The following CAPN13 variants were observed in gnomAD, a reference collection of about 807,000 sequenced individuals.
The protein encoded by CAPN13 is calpain 13.
A neutral mutation model predicts 98.4 loss-of-function variants in CAPN13; 90 were observed. That is an observed-to-expected ratio of 0.92 (90% CI 0.77 to 1.09). CAPN13 has a LOEUF of 1.09. Among genes scored for constraint, CAPN13 ranks in the 50% least tolerant of loss-of-function variants. CAPN13 has a pLI of 0.00. For synonymous variants in CAPN13, 330 were observed against 305.5 expected (o/e 1.08, Z -0.84); for missense variants, 887 against 841.3 (o/e 1.05, Z -0.67).
At chr2:30,739,396 C>T (rs1671542181) in intron 15 of CAPN13, among the ~76,000 whole-genome samples, 1 of 152,074 alleles carries the variant, frequency 6.6e-6, no homozygotes, top group East Asian at 1.9e-4. Context: ...CAGGATTGGC[C>T]TTACCACCTT....
chr2:30,727,408 T>A (rs1032678313), intron 22 of CAPN13, among the ~76,000 whole-genome samples: 11 of 152,004 alleles, frequency 7.2e-5, no homozygotes, highest in Admixed American at 2.0e-4. Context: ...ATTTTGCAAA[T>A]CACATATATA....
intron 15 of CAPN13, 121 bp from the exon 16 acceptor site, chr2:30,738,578 T>C: frequency 1.9e-6 from 2 of 1,054,472 alleles, no homozygotes; most frequent in South Asian, 2.8e-5. Flanking sequence ...TGTACCCATC[T>C]TGCCCTCGTC....
chr2:30,754,408 A>G (rs762015915), intron 8 of CAPN13, 44 bp from the exon 9 acceptor site: 1 of 1,539,322 alleles, frequency 6.5e-7, no homozygotes. Flanking sequence ...TTTCCAGTGC[A>G]TTTTTTCTCA....
rs774134400 is a variant in CAPN13, at chr2:30,764,273, G to GC, written c.557dup (p.Phe187LeufsTer71). On this transcript the variant is annotated frameshift_variant, in exon 6 of 23. Coordinates refer to ENST00000295055, the MANE Select transcript of CAPN13 (RefSeq NM_144575.3). LOFTEE classifies it high-confidence loss of function. ...GGTCCACCAGGGCATCCTCGAGGAA[G>GC]CCATAGTGCAGATCGGAATAGGATC... The GC allele has an allele frequency of 9.4e-5, 151 of 1,613,756 alleles. No individual in the cohort carries two copies. Among genetic ancestry groups the GC allele is most frequent in the Non-Finnish European group, 1.2e-4 (139 of 1,179,872 alleles).
intron 4 of CAPN13, among the ~76,000 whole-genome samples, chr2:30,775,180 T>C (rs1673619738): frequency 6.6e-6 from 1 of 152,194 alleles, no homozygotes. Flanking sequence ...CAGTTTAATA[T>C]ATGGTAAGTA....
At chr2:30,773,828 T>A (rs1485913564) in intron 4 of CAPN13, among the ~76,000 whole-genome samples, 1 of 152,184 alleles carries the variant, frequency 6.6e-6, no homozygotes, top group Non-Finnish European at 1.5e-5. Context: ...TAATGACAGA[T>A]AACACAATTG....
At chr2:30,758,691 G>A (rs975498243) in intron 7 of CAPN13, among the ~76,000 whole-genome samples, 6 of 152,098 alleles carry the variant, frequency 3.9e-5, no homozygotes, top group African/African-American at 1.4e-4. Context: ...CCTGCATCCC[G>A]GAGCTGATGA....
intron 1 of CAPN13, among the ~76,000 whole-genome samples, chr2:30,800,140 G>GAAAAGAAAGAAAAGAAAGA (rs761859358): frequency 1.7e-4 from 24 of 145,264 alleles, no homozygotes; most frequent in African/African-American, 6.1e-4. Context: ...AAGAAAGAAA[G>GAAAAGAAAGAAAAGAAAGA]AAAGAAAGAA....
At chr2:30,802,227 G>A (rs1396113353) in intron 1 of CAPN13, among the ~76,000 whole-genome samples, 1 of 151,994 alleles carries the variant, frequency 6.6e-6, no homozygotes, top group African/African-American at 2.4e-5. Context: ...TTGACTAAGG[G>A]AGCCATTCCC....
At chr2:30,738,350 T>A (rs554480520) in intron 16 of CAPN13, 50 bp downstream of exon 16, 45 of 1,612,282 alleles carry the variant, frequency 2.8e-5, no homozygotes, top group Non-Finnish European at 3.8e-5. Flanking sequence ...TGGGGTGGGG[T>A]TGCCAGCAGG....
chr2:30,776,068 A>C lies in CAPN13; in HGVS notation c.272-23T>G, dbSNP rs543993939. 25 of 1,546,896 alleles carry C rather than the reference A, an allele frequency of 1.6e-5. No homozygotes were observed. In the South Asian group the frequency reaches 2.7e-4, roughly 17 times the overall value. Reference sequence around the variant, plus strand: ...CAGCTGTGAGGGGAGATAAGCCAGGAAAGGCTGATTGGACACACTTGGAAA... The same window carrying C: ...CAGCTGTGAGGGGAGATAAGCCAGGCAAGGCTGATTGGACACACTTGGAAA... On this transcript the variant is annotated intron_variant, in intron 3 of 22. Transcript: ENST00000295055.
chr2:30,789,166 A>G (rs1177983529), intron 1 of CAPN13, among the ~76,000 whole-genome samples: 2 of 152,238 alleles, frequency 1.3e-5, no homozygotes, highest in Non-Finnish European at 2.9e-5. Context: ...TGAAATGTCA[A>G]GATATCATTC....
intron 2 of CAPN13, among the ~76,000 whole-genome samples, chr2:30,784,758 G>C (rs1674175307): frequency 6.6e-6 from 1 of 152,106 alleles, no homozygotes. Flanking sequence ...ATATGACTTT[G>C]GGCAGAGGTC....
chr2:30,738,568 T>C (rs141316385), intron 15 of CAPN13, 111 bp from the exon 16 acceptor site: 35 of 1,143,642 alleles, frequency 3.1e-5, no homozygotes, highest in Non-Finnish European at 5.1e-6. Context: ...GTCCCCACAA[T>C]GTACCCATCT....
intron 11 of CAPN13, among the ~76,000 whole-genome samples, chr2:30,748,199 C>T (rs1016430502): frequency 2.6e-5 from 4 of 152,186 alleles, no homozygotes; most frequent in African/African-American, 9.6e-5. Flanking sequence ...TCAGTCCTGG[C>T]TGGGCAGACC....
At chr2:30,748,081 C>T (rs760318423) in intron 11 of CAPN13, among the ~76,000 whole-genome samples, 76 of 152,200 alleles carry the variant, frequency 5.0e-4, no homozygotes, top group Non-Finnish European at 6.9e-4. Context: ...TCAGAAGTTG[C>T]GTGTGTGCCG....
chr2:30,758,859 TCCATCCTTCAGTCCC>T (rs1672631909), intron 7 of CAPN13, among the ~76,000 whole-genome samples: 1 of 129,486 alleles, frequency 7.7e-6, no homozygotes, highest in Non-Finnish European at 1.6e-5. Flanking sequence ...TCTCCCTCCC[TCCATCCTTCAGTCCC>T]TTCCTACCCT....
intron 5 of CAPN13, among the ~76,000 whole-genome samples, chr2:30,765,926 C>T (rs1057112817): frequency 1.1e-4 from 17 of 152,182 alleles, no homozygotes; most frequent in Admixed American, 4.6e-4. Context: ...GACCCAGGGT[C>T]TAGATTTTTC....
chr2:30,783,327 G>A (rs570955966), intron 2 of CAPN13, among the ~76,000 whole-genome samples: 3 of 152,228 alleles, frequency 2.0e-5, no homozygotes, highest in East Asian at 1.9e-4. Context: ...ATGAGGAGTC[G>A]GGTCCTCTCA....
Sources: allele counts gnomAD v4.1 joint callset (sites outside exome capture counted in the v4.1 genomes callset), GRCh38; gene constraint gnomAD v4.1.1; transcripts MANE v1.5; gene names NCBI Gene and HGNC (gene_info 2026-07-23, HGNC 2026-07-21).